RARB: variants seen among roughly 807,000 people sequenced by gnomAD.
RARB encodes HBV-activated protein.
Under a neutral mutation model 51.9 loss-of-function variants are expected in RARB, and 17 were observed. The ratio of observed to expected loss-of-function variants is 0.33; its 90% CI spans 0.22 to 0.49. The LOEUF is 0.49. Ranked by LOEUF, RARB falls within the 20% of genes least tolerant of loss-of-function variation. The pLI, the probability that RARB is intolerant of heterozygous loss-of-function variation, is 0.99. For synonymous variants in RARB, 215 were observed against 195.4 expected, an observed-to-expected ratio of 1.10 and a Z score of -0.84; for missense variants, 369 against 550.8, an observed-to-expected ratio of 0.67 and a Z score of 3.30.
intron 5 of RARB, among the ~76,000 whole-genome samples, chr3:25,387,701 G>A (rs796187281): frequency 7.2e-5 from 11 of 152,066 alleles, no homozygotes; most frequent in African/African-American, 2.4e-4. Flanking sequence ...CCATCTCTTG[G>A]GGTCTTTTGA....
intron 2 of RARB, among the ~76,000 whole-genome samples, chr3:24,912,009 A>T: frequency 6.6e-6 from 1 of 152,150 alleles, no homozygotes; most frequent in Non-Finnish European, 1.5e-5. Context: ...GTGCAATGAT[A>T]AAAAAACATG....
chr3:24,922,390 G>A (rs1695234277), intron 2 of RARB, among the ~76,000 whole-genome samples: 2 of 152,176 alleles, frequency 1.3e-5, no homozygotes, highest in South Asian at 4.1e-4. Context: ...GAAAGCTAAT[G>A]TGTATCAAGC....
At chr3:25,541,949 A>G (rs539787910) in intron 3 of RARB, among the ~76,000 whole-genome samples, 2 of 152,296 alleles carry the variant, frequency 1.3e-5, no homozygotes, top group African/African-American at 4.8e-5. Context: ...GCTGACCTCA[A>G]TCATGTTTGT....
At chr3:24,877,881 A>T (rs1703077580) in intron 2 of RARB, among the ~76,000 whole-genome samples, 2 of 152,200 alleles carry the variant, frequency 1.3e-5, no homozygotes, top group Admixed American at 6.5e-5. Context: ...ATCGGCTTTT[A>T]AGGAAGATTT....
At chr3:25,158,633 T>C (rs1439414053) in intron 4 of RARB, among the ~76,000 whole-genome samples, 2 of 152,180 alleles carry the variant, frequency 1.3e-5, no homozygotes, top group Admixed American at 6.5e-5. Flanking sequence ...GAATCAAAAA[T>C]TGAAGTACAA....
intron 5 of RARB, among the ~76,000 whole-genome samples, chr3:25,203,205 T>C (rs1249496638): frequency 6.6e-6 from 1 of 152,238 alleles, no homozygotes; most frequent in African/African-American, 2.4e-5. Context: ...TTGTCTCTTT[T>C]GATCTTTGTT....
intron 2 of RARB, among the ~76,000 whole-genome samples, chr3:25,014,917 T>C (rs1257393792): frequency 6.6e-6 from 1 of 152,224 alleles, no homozygotes. Context: ...TTTATACTTC[T>C]GTTTCTATTT....
chr3:24,920,467 G>C (rs2125386515), intron 2 of RARB, among the ~76,000 whole-genome samples: 1 of 152,268 alleles, frequency 6.6e-6, no homozygotes, highest in East Asian at 1.9e-4. Flanking sequence ...GATCTCCCTT[G>C]AACACTGTAG....
intron 4 of RARB, among the ~76,000 whole-genome samples, chr3:25,138,095 A>ATCTTGGGGT (rs1218691407): frequency 6.6e-6 from 1 of 152,106 alleles, no homozygotes; most frequent in Non-Finnish European, 1.5e-5. Context: ...CAGATAATAT[A>ATCTTGGGGT]TCTTGGGGTT....
chr3:25,087,188 A>C (rs889363907), intron 3 of RARB, among the ~76,000 whole-genome samples: 1 of 152,108 alleles, frequency 6.6e-6, no homozygotes, highest in African/African-American at 2.4e-5. Context: ...GCTGAATTCC[A>C]AAGGGAGGAA....
chr3:25,207,864 G>T (rs1007584939), intron 5 of RARB, among the ~76,000 whole-genome samples: 6 of 152,202 alleles, frequency 3.9e-5, no homozygotes, highest in Admixed American at 1.3e-4. Context: ...AGAGAAAAGA[G>T]ATTTAATTGG....
At chr3:25,122,837 A>G (rs1240052777) in intron 3 of RARB, among the ~76,000 whole-genome samples, 2 of 152,190 alleles carry the variant, frequency 1.3e-5, no homozygotes, top group Non-Finnish European at 2.9e-5. Context: ...TCCCAAGGGA[A>G]GAAACCCAAA....
At chr3:25,519,777 T>C (rs1698327382) in intron 3 of RARB, among the ~76,000 whole-genome samples, 2 of 152,222 alleles carry the variant, frequency 1.3e-5, no homozygotes, top group Admixed American at 1.3e-4. Flanking sequence ...TATTCTGAGA[T>C]AAAACTTCAG....
At chr3:25,337,955 C>T (rs1048222756) in intron 5 of RARB, among the ~76,000 whole-genome samples, 20 of 151,906 alleles carry the variant, frequency 1.3e-4, no homozygotes, top group African/African-American at 4.6e-4. Flanking sequence ...TAATCAAAAG[C>T]GTAGGTCAAT....
chr3:25,143,972 C>T, intron 4 of RARB, among the ~76,000 whole-genome samples: 1 of 152,130 alleles, frequency 6.6e-6, no homozygotes. Flanking sequence ...GAAATCAACC[C>T]AGTTCACTTT....
intron 1 of RARB, among the ~76,000 whole-genome samples, chr3:24,849,655 T>C (rs1465124130): frequency 6.6e-6 from 1 of 152,240 alleles, no homozygotes; most frequent in African/African-American, 2.4e-5. Context: ...ACAGGTATTT[T>C]CTCCATAAAG....
In RARB at chr3:24,990,088, C is replaced by T. The variant is rs528247529; in HGVS notation, c.-379-70037C>T. On this transcript the variant is annotated intron_variant, in intron 2 of 11. Coordinates refer to the RARB transcript ENST00000383772. ...TCCTGGGATTACAGGCGTGAGCCACCGCGCCCTGCCTTTCTTTTTAATATA... is the reference window on the plus strand; with the variant it reads ...TCCTGGGATTACAGGCGTGAGCCACTGCGCCCTGCCTTTCTTTTTAATATA... Among the ~76,000 whole-genome samples, 33 of 102,054 alleles carry T rather than the reference C, an allele frequency of 3.2e-4. 10 individuals carry two copies. Among genetic ancestry groups the T allele is most frequent in the Admixed American group, 5.0e-4 (4 of 8,014 alleles). 67.0% of individuals were successfully genotyped at this position (102,054 alleles called of 152,430 possible).
intron 5 of RARB, among the ~76,000 whole-genome samples, chr3:25,306,355 A>G (rs1704151424): frequency 6.6e-6 from 1 of 152,202 alleles, no homozygotes; most frequent in Admixed American, 6.5e-5. Flanking sequence ...TGGAACCTGT[A>G]ATAGGGCTGA....
At chr3:25,314,837 C>T (rs172823) in intron 5 of RARB, among the ~76,000 whole-genome samples, 51,749 of 151,904 alleles carry the variant, frequency 0.34, 9,171 homozygotes, top group African/African-American at 0.41. Flanking sequence ...TCAGTCCTTA[C>T]CTGCCTGCCT....
Sources: allele counts gnomAD v4.1 joint callset (sites outside exome capture counted in the v4.1 genomes callset), GRCh38; gene constraint gnomAD v4.1.1; transcripts MANE v1.5; gene names NCBI Gene and HGNC (gene_info 2026-07-23, HGNC 2026-07-21).